The following ADARB2 variants were observed in gnomAD, a reference collection of about 807,000 sequenced individuals.
ADARB2 encodes the protein adenosine deaminase RNA specific B2 (inactive).
ADARB2 carries 25 observed loss-of-function variants against 62.2 expected under a neutral mutation model. The ratio of observed to expected loss-of-function variants is 0.40; its 90% CI spans 0.29 to 0.56. The LOEUF is 0.56. Among genes scored for constraint, ADARB2 ranks in the 20% least tolerant of loss-of-function variants. The pLI is 0.43. For synonymous variants in ADARB2, 572 were observed against 500.8 expected, an observed-to-expected ratio of 1.14 and a Z score of -1.90; for missense variants, 1,071 against 1,077.4, an observed-to-expected ratio of 0.99 and a Z score of 0.08.
At chr10:1,254,639 G>GA (rs1329569248) in intron 4 of ADARB2, among the ~76,000 whole-genome samples, 1 of 152,128 alleles carries the variant, frequency 6.6e-6, no homozygotes, top group Non-Finnish European at 1.5e-5. Flanking sequence ...AGAAGTATGT[G>GA]AAAAAAAGCA....
At chr10:1,354,912 G>C (rs879271427) in intron 3 of ADARB2, among the ~76,000 whole-genome samples, 3 of 152,220 alleles carry the variant, frequency 2.0e-5, no homozygotes, top group Non-Finnish European at 2.9e-5. Flanking sequence ...TGGGGAGCAA[G>C]ACCCTCTAGC....
At chr10:1,412,621 A>G (rs1254120173) in intron 1 of ADARB2, among the ~76,000 whole-genome samples, 1 of 152,286 alleles carries the variant, frequency 6.6e-6, no homozygotes, top group Non-Finnish European at 1.5e-5. Context: ...ACCGCGTTTC[A>G]GGTAATCAAC....
intron 1 of ADARB2, among the ~76,000 whole-genome samples, chr10:1,633,542 T>TATC (rs1350955556): frequency 2.5e-4 from 31 of 121,802 alleles, no homozygotes; most frequent in East Asian, 4.9e-4. Flanking sequence ...TCTGTCTGTC[T>TATC]ATCTATCATC....
At chr10:1,405,639 A>G (rs984901283) in intron 1 of ADARB2, among the ~76,000 whole-genome samples, 8 of 151,868 alleles carry the variant, frequency 5.3e-5, no homozygotes, top group Non-Finnish European at 1.0e-4. Flanking sequence ...CAAAAAAAAA[A>G]AAAAAAAAAA....
intron 1 of ADARB2, among the ~76,000 whole-genome samples, chr10:1,429,591 T>A (rs917603966): frequency 6.6e-6 from 1 of 152,242 alleles, no homozygotes; most frequent in Non-Finnish European, 1.5e-5. Flanking sequence ...TGTCTTTCCA[T>A]GAGAAGCAGT....
chr10:1,712,538 G>T (rs1834960992), intron 1 of ADARB2, among the ~76,000 whole-genome samples: 1 of 151,936 alleles, frequency 6.6e-6, no homozygotes, highest in African/African-American at 2.4e-5. Context: ...TCTGTGGGAA[G>T]CAACCCGGGA....
chr10:1,274,224 C>T (rs192085642), intron 3 of ADARB2, among the ~76,000 whole-genome samples: 4 of 152,372 alleles, frequency 2.6e-5, no homozygotes, highest in East Asian at 1.9e-4. Flanking sequence ...ACTCCAGCCA[C>T]GGGGACACTT....
chr10:1,191,140 G>C (rs956479690), intron 8 of ADARB2, among the ~76,000 whole-genome samples: 1 of 151,978 alleles, frequency 6.6e-6, no homozygotes, highest in Non-Finnish European at 1.5e-5. Flanking sequence ...GGCCCCACAC[G>C]GCGTAGAACA....
chr10:1,650,609 G>A (rs1238011467), intron 1 of ADARB2, among the ~76,000 whole-genome samples: 1 of 152,210 alleles, frequency 6.6e-6, no homozygotes, highest in African/African-American at 2.4e-5. Flanking sequence ...ATCGGTCCGT[G>A]AAAGGTCTAA....
At chr10:1,475,644 T>G in intron 1 of ADARB2, among the ~76,000 whole-genome samples, 1 of 152,370 alleles carries the variant, frequency 6.6e-6, no homozygotes, top group Admixed American at 6.5e-5. Flanking sequence ...TTCTGGCATA[T>G]TTTTTAAAGT....
intron 1 of ADARB2, among the ~76,000 whole-genome samples, chr10:1,453,731 C>T (rs543196147): frequency 6.6e-6 from 1 of 152,234 alleles, no homozygotes; most frequent in South Asian, 2.1e-4. Flanking sequence ...AAACAAACAG[C>T]CAGTACGCAC....
intron 1 of ADARB2, among the ~76,000 whole-genome samples, chr10:1,725,425 G>A (rs1308004909): frequency 1.3e-5 from 2 of 152,184 alleles, no homozygotes; most frequent in Non-Finnish European, 2.9e-5. Flanking sequence ...TAAATCACAT[G>A]TCACCGCTTC....
chr10:1,347,833 T>C (rs1024476564), intron 3 of ADARB2, among the ~76,000 whole-genome samples: 3 of 151,492 alleles, frequency 2.0e-5, no homozygotes, highest in African/African-American at 7.3e-5. Flanking sequence ...CTCAGGGTAA[T>C]TGGGAGATGA....
intron 1 of ADARB2, among the ~76,000 whole-genome samples, chr10:1,583,749 G>C (rs889162321): frequency 3.3e-5 from 5 of 152,152 alleles, no homozygotes; most frequent in African/African-American, 1.2e-4. Flanking sequence ...AGTTTATGTG[G>C]AGAGGCAAAA....
At chr10:1,650,649 A>G (rs1019393165) in intron 1 of ADARB2, among the ~76,000 whole-genome samples, 2 of 152,166 alleles carry the variant, frequency 1.3e-5, no homozygotes, top group African/African-American at 2.4e-5. Context: ...TCTTAAATTA[A>G]ACGGGCACAT....
At chr10:1,186,716 A>G in intron 8 of ADARB2, 1 of 399,694 alleles carries the variant, frequency 2.5e-6, no homozygotes, top group Non-Finnish European at 5.0e-6. Context: ...TGGCCAGGGC[A>G]TTGCATATAG....
rs934574225 is a variant in ADARB2, at chr10:1,696,190, ATATG to A, written c.100+40857_100+40860del. ...TGTGTCTGTGTATGCACACATGCAT[ATATG>A]TGTCACGTTTATATGCCTGTGTATA... is the stretch of plus-strand genomic sequence containing the variant. On this transcript the variant is annotated intron_variant, in intron 1 of 9. Transcript: ENST00000381312. Among the ~76,000 whole-genome samples, 7 of 20,940 alleles carry A rather than the reference ATATG, an allele frequency of 3.3e-4. No individual in the cohort carries two copies. In the South Asian group the frequency reaches 0.023, roughly 69 times the overall value. 13.7% of individuals were successfully genotyped at this position (20,940 alleles called of 152,430 possible). A position where few individuals can be genotyped will look rare whatever the true frequency, so the allele number is the denominator to read the frequency against.
At chr10:1,628,414 C>G (rs1833799163) in intron 1 of ADARB2, among the ~76,000 whole-genome samples, 1 of 152,220 alleles carries the variant, frequency 6.6e-6, no homozygotes, top group African/African-American at 2.4e-5. Context: ...GCTTTCAAAA[C>G]ATTTTAGAAT....
At chr10:1,506,204 G>C (rs1364022535) in intron 1 of ADARB2, among the ~76,000 whole-genome samples, 1 of 152,166 alleles carries the variant, frequency 6.6e-6, no homozygotes, top group African/African-American at 2.4e-5. Context: ...TGGTCAGGAA[G>C]AAATTTAACG....
Sources: gnomAD v4.1 joint callset for allele counts (sites outside exome capture counted in the v4.1 genomes callset) on GRCh38, gnomAD v4.1.1 for gene constraint, MANE v1.5 for transcripts, NCBI Gene and HGNC (gene_info 2026-07-23, HGNC 2026-07-21) for gene names.